Variants in DTNA observed in about 807,000 individuals in gnomAD.
The protein encoded by DTNA is dystrobrevin alpha, also known as dystrophin-related protein 3.
In DTNA, 43 loss-of-function variants were observed where a neutral mutation model predicts 100.7. The ratio of observed to expected loss-of-function variants is 0.43; its 90% CI spans 0.33 to 0.55. DTNA has a LOEUF of 0.55. Ranked by LOEUF, DTNA falls within the 20% of genes least tolerant of loss-of-function variation. The pLI, the probability that DTNA is intolerant of heterozygous loss-of-function variation, is 0.04. For missense variants in DTNA, 798 were observed against 953.9 expected, an observed-to-expected ratio of 0.84 and a Z score of 2.15; for synonymous variants, 349 against 347.9, an observed-to-expected ratio of 1.00 and a Z score of -0.04.
At chr18:34,618,627 G>GT (rs1485429578) in intron 1 of DTNA, among the ~76,000 whole-genome samples, 1 of 152,058 alleles carries the variant, frequency 6.6e-6, no homozygotes, top group African/African-American at 2.4e-5. Context: ...AATTTTTGGT[G>GT]TTTTTAAGGG....
intron 1 of DTNA, among the ~76,000 whole-genome samples, chr18:34,664,527 A>T (rs1349659794): frequency 6.6e-6 from 1 of 152,112 alleles, no homozygotes; most frequent in East Asian, 1.9e-4. Context: ...CCACCACCTG[A>T]ATGCTGGGTT....
At chr18:34,885,827 G>A (rs760743417) in intron 22 of DTNA, among the ~76,000 whole-genome samples, 21 of 152,280 alleles carry the variant, frequency 1.4e-4, no homozygotes, top group East Asian at 7.7e-4. Context: ...CTAAGTGTAC[G>A]GGAAACACTG....
At chr18:34,498,413 A>G (rs1601114499) in intron 1 of DTNA, among the ~76,000 whole-genome samples, 1 of 148,964 alleles carries the variant, frequency 6.7e-6, no homozygotes, top group Non-Finnish European at 1.5e-5. Flanking sequence ...AGCCTGGGCA[A>G]CAGAACGAGA....
intron 1 of DTNA, among the ~76,000 whole-genome samples, chr18:34,590,201 T>C: frequency 6.6e-6 from 1 of 152,216 alleles, no homozygotes; most frequent in Non-Finnish European, 1.5e-5. Flanking sequence ...GAATCTTCCA[T>C]ATTTGTCTGT....
chr18:34,609,491 G>A (rs2053817551), intron 1 of DTNA, among the ~76,000 whole-genome samples: 1 of 152,084 alleles, frequency 6.6e-6, no homozygotes, highest in African/African-American at 2.4e-5. Context: ...TGATCCGCCT[G>A]TCTCGGCCTC....
chr18:34,581,264 AAAC>A (rs1232861825), intron 1 of DTNA, among the ~76,000 whole-genome samples: 1 of 147,458 alleles, frequency 6.8e-6, no homozygotes, highest in African/African-American at 2.6e-5. Context: ...AAACAAAACA[AAAC>A]AAAACAAAAA....
chr18:34,696,397 T>A (rs1488338546), intron 1 of DTNA, among the ~76,000 whole-genome samples: 2 of 151,824 alleles, frequency 1.3e-5, no homozygotes, highest in Non-Finnish European at 2.9e-5. Flanking sequence ...GCCAACATAG[T>A]GGAACCCCCG....
intron 17 of DTNA, among the ~76,000 whole-genome samples, chr18:34,871,302 A>G (rs542687127): frequency 6.0e-4 from 91 of 152,370 alleles, no homozygotes; most frequent in African/African-American, 1.6e-3. Context: ...ACTTTTTAAA[A>G]AAATGGATAC....
chr18:34,813,582 A>C (rs894369892), intron 6 of DTNA, among the ~76,000 whole-genome samples: 1 of 150,928 alleles, frequency 6.6e-6, no homozygotes, highest in Admixed American at 6.6e-5. Context: ...AGGCCGGGTG[A>C]GGTGGCTCAC....
chr18:34,874,743 A>C (rs539346255), intron 17 of DTNA, among the ~76,000 whole-genome samples: 1 of 152,340 alleles, frequency 6.6e-6, no homozygotes, highest in African/African-American at 2.4e-5. Context: ...TTGATTCTTA[A>C]TTTGAGACTT....
intron 5 of DTNA, 69 bp from the exon 6 acceptor site, chr18:34,811,890 G>T: frequency 1.9e-6 from 3 of 1,584,294 alleles, no homozygotes; most frequent in Non-Finnish European, 2.6e-6. Context: ...ATTTGTAGCA[G>T]ATATATTGAA....
At chr18:34,558,570 T>G (rs1270466681) in intron 1 of DTNA, among the ~76,000 whole-genome samples, 4 of 152,170 alleles carry the variant, frequency 2.6e-5, no homozygotes, top group Non-Finnish European at 4.4e-5. Flanking sequence ...ATGAAATGAA[T>G]GCATAATATA....
intron 1 of DTNA, among the ~76,000 whole-genome samples, chr18:34,685,799 C>T (rs961650286): frequency 6.6e-6 from 1 of 152,130 alleles, no homozygotes; most frequent in African/African-American, 2.4e-5. Flanking sequence ...TTGTTTGTGT[C>T]ACCTCTTCTT....
chr18:34,718,710 A>G (rs533247412), intron 1 of DTNA, among the ~76,000 whole-genome samples: 17 of 152,320 alleles, frequency 1.1e-4, no homozygotes, highest in Non-Finnish European at 2.1e-4. Flanking sequence ...AAATGAAAGG[A>G]GAAAGGTATT....
At chr18:34,785,498 A>G (rs972683852) in intron 3 of DTNA, among the ~76,000 whole-genome samples, 83 of 152,270 alleles carry the variant, frequency 5.5e-4, no homozygotes, top group African/African-American at 1.9e-3. Flanking sequence ...TTTATATAGT[A>G]CTTTATATTT....
intron 1 of DTNA, among the ~76,000 whole-genome samples, chr18:34,702,792 C>G (rs1445767314): frequency 1.3e-5 from 2 of 151,820 alleles, no homozygotes; most frequent in African/African-American, 2.4e-5. Flanking sequence ...AAAATTTATT[C>G]CAAAAAAAAG....
chr18:34,875,338 C>G lies in DTNA; in HGVS notation c.1843C>G (p.His615Asp). 6.2e-7 allele frequency: 1 copy of G among 1,614,242 alleles called. No homozygotes were observed. Among genetic ancestry groups the G allele is most frequent in the Non-Finnish European group, 8.5e-7 (1 of 1,180,048 alleles). ...AGCGTCAGCCTGCTCCACCCCGACG[C>G]ACACGCCGCAGGACTCCCTCACAGG... ...RSASACSTPTHTPQDSLTGVG... is the reference protein window; with the variant it reads ...RSASACSTPTDTPQDSLTGVG... Residue 615 changes from histidine (H) to aspartate (D), a missense_variant, in exon 18 of 23, where the codon CAC becomes GAC. His to Asp is a moderately conservative substitution (Grantham distance 81, BLOSUM62 -1). Coordinates refer to ENST00000444659, the MANE Select transcript of DTNA (RefSeq NM_001386795.1).
Position 34,867,864 on chromosome 18 carries a change from C to G in DTNA, c.1743+3802C>G, listed in dbSNP as rs938942463. 4.1e-6 allele frequency: 4 copies of G among 985,354 alleles called. No individual in the cohort carries two copies. The African/African-American group carries it at 7.0e-5, about 17-fold the overall frequency. The allele number at this position is 985,354 out of a possible 1,614,324, so 61.0% of individuals were successfully genotyped here. ...TCAGCAGCTTCTGCATCTCAGGGGG[C>G]CAACAGCGGGTACTGCGGTGTCGGT... On this transcript the variant is annotated intron_variant, in intron 17 of 22. Transcript: ENST00000444659.
chr18:34,869,073 A>G (rs1432026193), intron 17 of DTNA, among the ~76,000 whole-genome samples: 1 of 152,234 alleles, frequency 6.6e-6, no homozygotes, highest in East Asian at 1.9e-4. Context: ...GACCTGAATT[A>G]CAGTGGTACC....
Sources: allele counts gnomAD v4.1 joint callset (sites outside exome capture counted in the v4.1 genomes callset), GRCh38; gene constraint gnomAD v4.1.1; transcripts MANE v1.5; gene names NCBI Gene and HGNC (gene_info 2026-07-23, HGNC 2026-07-21).